CDKL5: variants seen among roughly 807,000 people sequenced by gnomAD.
CDKL5 encodes cyclin-dependent kinase-like 5.
CDKL5 carries 8 observed loss-of-function variants against 61.7 expected under a neutral mutation model. The observed-to-expected ratio is 0.13, with a 90% CI of 0.08 to 0.23. The LOEUF (loss-of-function observed/expected upper bound fraction) is 0.23. Ranked by LOEUF, CDKL5 falls within the 10% of genes least tolerant of loss-of-function variation. The probability of loss-of-function intolerance (pLI) is 1.00; values close to 1 mark genes in which losing one functional copy is unlikely to be tolerated. For missense variants in CDKL5, 440 were observed against 734.5 expected, an observed-to-expected ratio of 0.60 and a Z score of 4.63; for synonymous variants, 275 against 272.3, an observed-to-expected ratio of 1.01 and a Z score of -0.10.
chrX:18,605,450 A>T (rs1240282047), intron 12 of CDKL5, among the ~76,000 whole-genome samples: 1 of 111,777 alleles, frequency 8.9e-6, no homozygotes, highest in East Asian at 2.8e-4. Flanking sequence ...CATCTTATTC[A>T]TCGTCAAACT....
downstream of CDKL5, among the ~76,000 whole-genome samples, chrX:18,643,991 G>A (rs972397855): frequency 3.6e-5 from 4 of 111,034 alleles, no homozygotes; most frequent in African/African-American, 1.3e-4. Context: ...TGGCTAATGG[G>A]TAACTTGCTA....
At chrX:18,464,008 GTGTTTTTTTTGTTTTTGTTTT>G (rs1288303793) in intron 1 of CDKL5, among the ~76,000 whole-genome samples, 1 of 109,034 alleles carries the variant, frequency 9.2e-6, no homozygotes, top group African/African-American at 3.4e-5. Context: ...TATGGTGTGT[GTGTTTTTTTTGTTTTTGTTTT>G]TGTTTTTTTT....
At chrX:18,513,072 A>C (rs994891038) in intron 3 of CDKL5, among the ~76,000 whole-genome samples, 2 of 111,781 alleles carry the variant, frequency 1.8e-5, no homozygotes, top group Non-Finnish European at 3.8e-5. Flanking sequence ...TATATCTGAT[A>C]TATATTACAC....
chrX:18,477,589 A>AT (rs1344085551), intron 1 of CDKL5, among the ~76,000 whole-genome samples: 32 of 109,529 alleles, frequency 2.9e-4, no homozygotes, highest in East Asian at 1.1e-3. Flanking sequence ...TTCTTTAATG[A>AT]TTTTTTTTTA....
intron 3 of CDKL5, among the ~76,000 whole-genome samples, chrX:18,557,795 A>C (rs1019868038): frequency 2.7e-5 from 3 of 112,005 alleles, no homozygotes; most frequent in Non-Finnish European, 5.6e-5. Context: ...ACAATGACCC[A>C]GAGCTTTAGA....
At chrX:18,601,016 C>G (rs1926159805) in intron 11 of CDKL5, among the ~76,000 whole-genome samples, 1 of 111,775 alleles carries the variant, frequency 8.9e-6, no homozygotes, top group Non-Finnish European at 1.9e-5. Context: ...TAGCTTGAAT[C>G]TCAACACAAA....
chrX:18,647,077 A>G (rs1229158862), intron 20 of CDKL5: 1 of 865,567 alleles, frequency 1.2e-6, no homozygotes, highest in South Asian at 2.1e-5. Context: ...CCACCACGCC[A>G]GTTAATTTTT....
chrX:18,651,394 G>A (rs1333438193), intron 21 of CDKL5, among the ~76,000 whole-genome samples: 2 of 110,702 alleles, frequency 1.8e-5, no homozygotes, highest in East Asian at 2.9e-4. Context: ...AGGAATTAGC[G>A]CATTGCCCAA....
At chrX:18,523,075 C>T (rs1410198354) in intron 3 of CDKL5, among the ~76,000 whole-genome samples, 2 of 110,929 alleles carry the variant, frequency 1.8e-5, no homozygotes, top group South Asian at 3.8e-4. Flanking sequence ...GGATTACAGG[C>T]GTGAGCCACC....
At chrX:18,627,558 G>T (rs893791042) in intron 17 of CDKL5, 5 of 110,912 alleles carry the variant, frequency 4.5e-5, no homozygotes, top group African/African-American at 1.6e-4. Context: ...GTGAGCAGAC[G>T]GCTCTGAGGC....
At chrX:18,525,130 C>T (rs754619633) in intron 3 of CDKL5, among the ~76,000 whole-genome samples, 5 of 111,340 alleles carry the variant, frequency 4.5e-5, no homozygotes, top group Admixed American at 2.9e-4. Flanking sequence ...GATGGAGTCT[C>T]GCTCTGTCAC....
At chrX:18,648,033 C>A (rs1927859712) in intron 20 of CDKL5, among the ~76,000 whole-genome samples, 1 of 111,165 alleles carries the variant, frequency 9.0e-6, no homozygotes, top group South Asian at 3.9e-4. Flanking sequence ...TGTATGTCCC[C>A]TCACAGTAAA....
At position 18,635,367 on chromosome X, in the gene CDKL5, T is replaced by G. The variant is rs1367424842; in HGVS notation, c.*6610T>G. The stretch of plus-strand genomic sequence containing the variant: ...TTTTGAATGGATCTTCCCAAATGTC[T>G]TTAATAAAATGCAGATTTTGCACTG... On this transcript the variant is annotated 3_prime_UTR_variant, in exon 18 of 18. Transcript: ENST00000623535. 1.3e-6 allele frequency: 1 copy of G among 752,869 alleles called. No individual in the cohort carries two copies. Among genetic ancestry groups the G allele is most frequent in the Non-Finnish European group, 1.6e-6 (1 of 639,112 alleles). 62.0% of individuals were successfully genotyped at this position (752,869 alleles called of 1,213,427 possible).
chrX:18,469,863 C>A (rs1681939199), intron 1 of CDKL5, among the ~76,000 whole-genome samples: 1 of 111,675 alleles, frequency 9.0e-6, no homozygotes, highest in Non-Finnish European at 1.9e-5. Flanking sequence ...TTTGTCTTTT[C>A]TCTTAGCAAA....
At position 18,633,852 on chromosome X, in the gene CDKL5, C is replaced by T. The variant is rs951972830; in HGVS notation, c.*5095C>T. ...CACCTTTCTCCTCTCCGGGCACTGA[C>T]CCCACCTTTCCGTGTATTTACTGTA... On this transcript the variant is annotated 3_prime_UTR_variant, in exon 18 of 18. Coordinates refer to ENST00000623535, the MANE Select transcript of CDKL5 (RefSeq NM_001323289.2). 1.3e-6 allele frequency: 1 copy of T among 754,008 alleles called. No individual in the cohort carries two copies. The highest frequency in any genetic ancestry group is 1.5e-4 in the East Asian group (1 of 6,658). The allele number at this position is 754,008 out of a possible 1,213,427, so 62.1% of individuals were successfully genotyped here.
chrX:18,648,746 C>T, intron 20 of CDKL5, among the ~76,000 whole-genome samples: 1 of 111,828 alleles, frequency 8.9e-6, no homozygotes, highest in Middle Eastern at 4.6e-3. Context: ...TAGATCACAT[C>T]TGATAGTTGG....
chrX:18,528,304 C>G (rs1923521437), intron 3 of CDKL5, among the ~76,000 whole-genome samples: 1 of 103,047 alleles, frequency 9.7e-6, no homozygotes, highest in South Asian at 4.6e-4. Context: ...TTAAAGTATC[C>G]AACTATAGTA....
chrX:18,503,736 T>A (rs1352528992), intron 1 of CDKL5, among the ~76,000 whole-genome samples: 1 of 112,109 alleles, frequency 8.9e-6, no homozygotes, highest in East Asian at 2.8e-4. Context: ...CCCACAAGGA[T>A]GTTTTTGTTT....
intron 14 of CDKL5, among the ~76,000 whole-genome samples, chrX:18,609,969 G>A (rs753567978): frequency 8.9e-6 from 1 of 112,079 alleles, no homozygotes; most frequent in South Asian, 3.7e-4. Flanking sequence ...TCACTTCCTC[G>A]GGAGGAGAGA....
Sources: gnomAD v4.1 joint callset for allele counts (sites outside exome capture counted in the v4.1 genomes callset) on GRCh38, gnomAD v4.1.1 for gene constraint, MANE v1.5 for transcripts, NCBI Gene and HGNC (gene_info 2026-07-23, HGNC 2026-07-21) for gene names.